The following DNAH10 variants were observed in gnomAD, a reference collection of about 807,000 sequenced individuals.
DNAH10 encodes dynein axonemal heavy chain 10, also known as axonemal beta dynein heavy chain 10.
DNAH10 carries 348 observed loss-of-function variants against 506.6 expected under a neutral mutation model. That is an observed-to-expected ratio of 0.69 (90% CI 0.63 to 0.75). The LOEUF (loss-of-function observed/expected upper bound fraction) is 0.75. Ranked by LOEUF, DNAH10 falls within the 30% of genes least tolerant of loss-of-function variation. The pLI, the probability that DNAH10 is intolerant of heterozygous loss-of-function variation, is 0.00. For missense variants in DNAH10, 5,179 were observed against 5,787.1 expected (o/e 0.89, Z 3.41); for synonymous variants, 2,059 against 2,198.6 (o/e 0.94, Z 1.78).
chr12:123,844,429 G>C (rs1049906066), intron 30 of DNAH10, among the ~76,000 whole-genome samples: 5 of 152,176 alleles, frequency 3.3e-5, no homozygotes, highest in Non-Finnish European at 5.9e-5. Flanking sequence ...GCAATCACAA[G>C]CTTTGTAAGT....
rs763093758 is a variant in DNAH10 at position 123,813,269 on chromosome 12, C to A, written c.3250C>A (p.Pro1084Thr). 8.1e-6 allele frequency: 13 copies of A among 1,613,982 alleles called. No individual in the cohort carries two copies. In the African/African-American group the frequency reaches 1.7e-4, roughly 22 times the overall value. Residue 1084 changes from proline to threonine, a missense_variant, in exon 20 of 79, where the codon CCT becomes ACT. Around this residue, in one of 3 missense-constraint regions of DNAH10, gnomAD observed 4,844 missense variants for 5,430.5 expected, o/e 0.89. Coordinates refer to ENST00000673944, the MANE Select transcript of DNAH10 (RefSeq NM_001372106.1). ...CTTTTACAATGATATCTCTCTGAACCCTCAGATAATTGAACAAGCTGTTAT... is the reference window on the plus strand; with the variant it reads ...CTTTTACAATGATATCTCTCTGAACACTCAGATAATTGAACAAGCTGTTAT... ...INFYNDISLN[P>T]QIIEQAVMIP...
At chr12:123,822,665 G>A (rs1304451307) in intron 24 of DNAH10, among the ~76,000 whole-genome samples, 1 of 152,092 alleles carries the variant, frequency 6.6e-6, no homozygotes, top group Non-Finnish European at 1.5e-5. Context: ...TTGTGATGAG[G>A]AATTGGCTCC....
chr12:123,928,278 T>A lies in DNAH10; in HGVS notation c.12106-109T>A. 7.9e-7 allele frequency: 1 copy of A among 1,268,656 alleles called. No individual in the cohort carries two copies. The highest frequency in any genetic ancestry group is 1.5e-5 in the South Asian group (1 of 67,534). 78.6% of individuals were successfully genotyped at this position (1,268,656 alleles called of 1,614,324 possible). On this transcript the variant is annotated intron_variant, in intron 69 of 78. Transcript: ENST00000673944. The surrounding 1 kb of genome is among the most constrained non-coding windows in gnomAD (Gnocchi z 4.9). Reference sequence around the variant, plus strand: ...CCTGGATCCTCGGCTTGCTTTTGGCTTCTGCTGGAGCTGCCATCGCCCTTC... The same window carrying A: ...CCTGGATCCTCGGCTTGCTTTTGGCATCTGCTGGAGCTGCCATCGCCCTTC...
intron 57 of DNAH10, among the ~76,000 whole-genome samples, chr12:123,906,504 A>G (rs1451938188): frequency 1.3e-5 from 2 of 152,082 alleles, no homozygotes; most frequent in African/African-American, 2.4e-5. Flanking sequence ...AGCCTCCCAA[A>G]GTGTTGGGAT....
chr12:123,928,574 A>G lies in DNAH10; in HGVS notation c.12293A>G (p.Gln4098Arg). 6.2e-7 allele frequency: 1 copy of G among 1,601,646 alleles called. No homozygotes were observed. ...PTKGFPIGILQKSLKVVTEPP... is the reference protein window; with the variant it reads ...PTKGFPIGILRKSLKVVTEPP... The stretch of plus-strand genomic sequence containing the variant: ...AAGGGCTTCCCCATTGGGATTCTGC[A>G]GAAGTCCCTAAAGGTCTGGCTTCAG... The change falls in exon 70 of 79, where the codon CAG becomes CGG. Residue 4098 changes from glutamine to arginine, a missense_variant. Around this residue, in one of 3 missense-constraint regions of DNAH10, gnomAD observed 4,844 missense variants for 5,430.5 expected, o/e 0.89. Coordinates refer to ENST00000673944, the MANE Select transcript of DNAH10 (RefSeq NM_001372106.1). This position sits in a 1 kb window ranked among gnomAD's most constrained non-coding sequence, Gnocchi z 4.9.
At chr12:123,880,729 C>T (rs1283077580) in intron 50 of DNAH10, among the ~76,000 whole-genome samples, 2 of 151,606 alleles carry the variant, frequency 1.3e-5, no homozygotes, top group Non-Finnish European at 2.9e-5. Context: ...TATACATGTG[C>T]CATGTTGGTG....
In DNAH10 at chr12:123,926,974, T is replaced by C. The variant is rs532266432; in HGVS notation, c.12105+154T>C. 54 of 774,302 alleles carry C rather than the reference T, an allele frequency of 7.0e-5. No individual in the cohort carries two copies. Among genetic ancestry groups the C allele is most frequent in the Non-Finnish European group, 1.1e-4 (52 of 489,604 alleles). The allele number at this position is 774,302 out of a possible 1,614,324, so 48.0% of individuals were successfully genotyped here. The stretch of plus-strand genomic sequence containing the variant: ...AAGCAGTAATGAAACACTGGGAAGA[T>C]GACAATAATAGTTATGATTTCACAA... On this transcript the variant is annotated intron_variant, in intron 69 of 78. Transcript: ENST00000673944. The surrounding 1 kb of genome is among the most constrained non-coding windows in gnomAD (Gnocchi z 4.1).
chr12:123,894,741 T>G lies in DNAH10; in HGVS notation c.9280+18T>G, dbSNP rs753983437. On this transcript the variant is annotated intron_variant, in intron 54 of 78. Transcript: ENST00000673944. ...CTTTCTAGGTAAGTCACAGCTGTTA[T>G]GGGAACTGCATTATTGATAAAACAA... The G allele has an allele frequency of 3.1e-6, 5 of 1,605,520 alleles. No individual in the cohort carries two copies. Among genetic ancestry groups the G allele is most frequent in the Non-Finnish European group, 4.3e-6 (5 of 1,172,252 alleles).
intron 52 of DNAH10, among the ~76,000 whole-genome samples, chr12:123,887,587 C>T (rs578110287): frequency 1.1e-4 from 17 of 152,186 alleles, no homozygotes; most frequent in South Asian, 2.1e-4. Context: ...GGCCGTGCCC[C>T]GGGCTGTGCT....
chr12:123,838,944 TGGGACCACA>T (rs902544102), intron 29 of DNAH10, among the ~76,000 whole-genome samples: 1 of 152,184 alleles, frequency 6.6e-6, no homozygotes, highest in Non-Finnish European at 1.5e-5. Flanking sequence ...CCTGAGTGGC[TGGGACCACA>T]GGTGCACACC....
chr12:123,929,423 G>A lies in DNAH10; in HGVS notation c.12455G>A (p.Arg4152Lys), dbSNP rs1955101962. ...TTCTTTCATGCTGTGGTGCAGGAGAGAAGGAAGTTTGGGAAGATTGGCTGG... is the reference window on the plus strand; with the variant it reads ...TTCTTTCATGCTGTGGTGCAGGAGAAAAGGAAGTTTGGGAAGATTGGCTGG... ...LAFFHAVVQERRKFGKIGWNV... is the reference protein window; with the variant it reads ...LAFFHAVVQEKRKFGKIGWNV... Residue 4152 changes from arginine to lysine, a missense_variant, in exon 71 of 79, where the codon AGA becomes AAA. Physicochemically the swap from Arg to Lys is conservative, Grantham distance 26. Coordinates refer to ENST00000673944, the MANE Select transcript of DNAH10 (RefSeq NM_001372106.1). 1 of 1,613,796 alleles carries A rather than the reference G, an allele frequency of 6.2e-7. No homozygotes were observed. Among genetic ancestry groups the A allele is most frequent in the Non-Finnish European group, 8.5e-7 (1 of 1,179,852 alleles).
intron 28 of DNAH10, among the ~76,000 whole-genome samples, chr12:123,836,164 T>C (rs1424977250): frequency 6.6e-6 from 1 of 152,280 alleles, no homozygotes; most frequent in Admixed American, 6.5e-5. Context: ...CTTTTATCTT[T>C]TTCCTATGTG....
rs1431252967 is a variant in DNAH10, at chr12:123,787,784, G to C, written c.1422-20G>C. 3 of 1,608,520 alleles carry C rather than the reference G, an allele frequency of 1.9e-6. No individual in the cohort carries two copies. The highest frequency in any genetic ancestry group is 3.4e-5 in the Admixed American group (2 of 58,938). On this transcript the variant is annotated intron_variant, in intron 9 of 78. Coordinates refer to ENST00000673944, the MANE Select transcript of DNAH10 (RefSeq NM_001372106.1). This position sits in a 1 kb window ranked among gnomAD's most constrained non-coding sequence, Gnocchi z 4.6. ...CGGAGCTCCGCCCTCCTCCCATCAC[G>C]GCATCTCTTGGCTTCGCAGAGAAAA...
Position 123,772,901 on chromosome 12 carries a change from TC to T in DNAH10, c.466del (p.Leu156TrpfsTer22). ...CTCTGTACCCCTCTTCCCGAGGAGT[TC>T]CTGGACCAAAACGTGGTGTTTTTCC... ...HMLCTPLPEE[F>X]LDQNVVFFLR... is the part of the protein sequence containing the mutation. On this transcript the variant is annotated frameshift_variant, in exon 4 of 79. Coordinates refer to ENST00000673944, the MANE Select transcript of DNAH10 (RefSeq NM_001372106.1). LOFTEE classifies it high-confidence loss of function. 6.2e-7 allele frequency: 1 copy of T among 1,613,262 alleles called. No homozygotes were observed. Among genetic ancestry groups the T allele is most frequent in the Non-Finnish European group, 8.5e-7 (1 of 1,179,612 alleles).
rs568078474 is a variant in DNAH10 at position 123,897,790 on chromosome 12, G to C, written c.9301G>C (p.Ala3101Pro). The C allele has an allele frequency of 6.2e-7, 1 of 1,607,656 alleles. No homozygotes were observed. The highest frequency in any genetic ancestry group is 1.1e-5 in the South Asian group (1 of 88,976). Residue 3101 changes from alanine to proline, a missense_variant, in exon 55 of 79, where the codon GCA becomes CCA. Physicochemically the swap from Ala to Pro is conservative, Grantham distance 27 (BLOSUM62 -1). This residue lies in a region of DNAH10 where 4,844 missense variants were observed against 5,430.5 expected (regional missense o/e 0.89). Transcript: ENST00000673944. ...SFLGYNPMIP[A>P]ENIENVVKHV... ...TTCAGGGTATAATCCAATGATCCCGGCAGAAAATATAGAAAATGTGGTGAA... is the reference window on the plus strand; with the variant it reads ...TTCAGGGTATAATCCAATGATCCCGCCAGAAAATATAGAAAATGTGGTGAA...
intron 30 of DNAH10, among the ~76,000 whole-genome samples, chr12:123,844,192 A>G (rs1950868320): frequency 6.6e-6 from 1 of 151,916 alleles, no homozygotes; most frequent in South Asian, 2.1e-4. Flanking sequence ...GTCAGATCTC[A>G]TGAGAACTCA....
chr12:123,804,264 G>A (rs900457619), intron 17 of DNAH10, among the ~76,000 whole-genome samples: 8 of 152,088 alleles, frequency 5.3e-5, no homozygotes, highest in African/African-American at 1.9e-4. Flanking sequence ...GGTGGCTCAC[G>A]CCTATAATCC....
rs766547147 is a variant in DNAH10 at position 123,879,793 on chromosome 12, C to T, written c.8626C>T (p.Leu2876=). The T allele has an allele frequency of 5.9e-5, 96 of 1,613,820 alleles. No individual in the cohort carries two copies. The highest frequency in any genetic ancestry group is 7.9e-5 in the Non-Finnish European group (93 of 1,179,838). The part of the protein sequence containing the change: ...DIQDYEAAKA[L]FQEILEEYNE... Reference sequence around the variant, plus strand: ...CCAGGACTACGAGGCGGCCAAGGCTCTGTTCCAGGTGGGGATGAGCCCCAC... The same window carrying T: ...CCAGGACTACGAGGCGGCCAAGGCTTTGTTCCAGGTGGGGATGAGCCCCAC... Residue 2876 remains leucine (L), a synonymous_variant, in exon 50 of 79, where the codon CTG becomes TTG. Transcript: ENST00000673944.
intron 45 of DNAH10, 105 bp downstream of exon 45, chr12:123,871,707 G>A (rs1952043971): frequency 1.9e-5 from 25 of 1,324,608 alleles, no homozygotes; most frequent in East Asian, 2.5e-5. Flanking sequence ...TCCGTGGGTC[G>A]AGAATGTGGG....
Sources: gnomAD v4.1 joint callset for allele counts (sites outside exome capture counted in the v4.1 genomes callset) on GRCh38, gnomAD v4.1.1 for gene constraint, gnomAD v4.1.1 regional missense constraint, Gnocchi (gnomAD v3.1) non-coding constraint, MANE v1.5 for transcripts, NCBI Gene and HGNC (gene_info 2026-07-23, HGNC 2026-07-21) for gene names.